FADS6: variants seen among roughly 807,000 people sequenced by gnomAD.
FADS6 encodes fatty acid desaturase 6, also known as fatty acid desaturase domain family, member 6.
FADS6 carries 28 observed loss-of-function variants against 31.7 expected under a neutral mutation model. The observed-to-expected ratio is 0.88, with a 90% CI of 0.66 to 1.21. The LOEUF (loss-of-function observed/expected upper bound fraction) is 1.21, where lower values mean the gene tolerates loss of function less well. Ranked by LOEUF, FADS6 falls within the 50% of genes most tolerant of loss-of-function variation. The pLI is 0.00. For missense variants in FADS6, 494 were observed against 504.2 expected (o/e 0.98, Z 0.19); for synonymous variants, 191 against 213.1 (o/e 0.90, Z 0.90).
In FADS6 at chr17:74,888,154, A is replaced by ACACG. The variant is rs1245891792; in HGVS notation, c.411+4368_411+4369insCGTG. Among the ~76,000 whole-genome samples the ACACG allele has an allele frequency of 1.2e-3, 166 of 134,788 alleles. 1 individual carries two copies. The highest frequency in any genetic ancestry group is 2.9e-3 in the African/African-American group (104 of 35,316). 88.4% of individuals were successfully genotyped at this position (134,788 alleles called of 152,430 possible). A position where few individuals can be genotyped will look rare whatever the true frequency, so the allele number is the denominator to read the frequency against. On this transcript the variant is annotated intron_variant, in intron 2 of 5. Transcript: ENST00000612771. ...CACACACACACACACACACACACAC[A>ACACG]CGCGCGCGCGCGCGCGCGCAGAGTA...
intron 2 of FADS6, among the ~76,000 whole-genome samples, chr17:74,891,746 T>C (rs2038691584): frequency 6.6e-6 from 1 of 152,122 alleles, no homozygotes; most frequent in Non-Finnish European, 1.5e-5. Flanking sequence ...TTATATAACT[T>C]TATAAAAACT....
intron 2 of FADS6, among the ~76,000 whole-genome samples, chr17:74,885,416 A>C (rs369741325): frequency 4.6e-5 from 7 of 152,296 alleles, no homozygotes; most frequent in East Asian, 3.9e-4. Context: ...CCTACTACTG[A>C]GGTCCATGGA....
rs775181944 is a variant in FADS6, at chr17:74,879,383, C to T, written c.960+21G>A. On this transcript the variant is annotated intron_variant, in intron 5 of 5. Transcript: ENST00000612771. Reference sequence around the variant, plus strand: ...CTAACAGTCCCTTTATTCCAGCGCCCCCAGCCCAGCCCTCGACTACCTTCA... The same window carrying T: ...CTAACAGTCCCTTTATTCCAGCGCCTCCAGCCCAGCCCTCGACTACCTTCA... The T allele has an allele frequency of 4.3e-5, 70 of 1,610,482 alleles. 1 individual carries two copies. The highest frequency in any genetic ancestry group is 5.9e-5 in the Non-Finnish European group (69 of 1,177,706).
intron 2 of FADS6, among the ~76,000 whole-genome samples, chr17:74,888,146 ACACACACACGCG>A (rs1386513583): frequency 1.8e-4 from 20 of 113,626 alleles, no homozygotes; most frequent in African/African-American, 2.4e-4. Flanking sequence ...ACACACACAC[ACACACACACGCG>A]CGCGCGCGCG....
At chr17:74,888,713 G>C (rs990777711) in intron 2 of FADS6, among the ~76,000 whole-genome samples, 2 of 152,190 alleles carry the variant, frequency 1.3e-5, no homozygotes, top group Non-Finnish European at 2.9e-5. Context: ...CCAGAGCTTC[G>C]GAACTGGCAG....
In FADS6 at chr17:74,882,396, C is replaced by T. The variant is rs1002186656; in HGVS notation, c.592+134G>A. 9.4e-6 allele frequency: 10 copies of T among 1,061,534 alleles called. No homozygotes were observed. In the African/African-American group the frequency reaches 1.3e-4, roughly 14 times the overall value. The allele number at this position is 1,061,534 out of a possible 1,614,324, so 65.8% of individuals were successfully genotyped here. A position where few individuals can be genotyped will look rare whatever the true frequency, so the allele number is the denominator to read the frequency against. The stretch of plus-strand genomic sequence containing the variant: ...AGCTCCAGGTCTGAGGCTCTTTCTA[C>T]CTTGCCATGCTGTCTCAGCACGTAT... On this transcript the variant is annotated intron_variant, in intron 3 of 5. Transcript: ENST00000612771.
chr17:74,892,456 C>T, intron 2 of FADS6, 67 bp downstream of exon 2: 1 of 1,536,960 alleles, frequency 6.5e-7, no homozygotes, highest in Admixed American at 2.0e-5. Context: ...CCCGCATGCT[C>T]GAACAGAAGA....
At position 74,878,316 on chromosome 17, in the gene FADS6, A is replaced by T; in HGVS notation, c.*15T>A. On this transcript the variant is annotated 3_prime_UTR_variant, in exon 6 of 6. Transcript: ENST00000612771. ...GGCCAGGGAGGGGCAGGGTGGCTGC[A>T]CCGGCCCGGCCTCATTACAGCCCCA... 6.2e-7 allele frequency: 1 copy of T among 1,608,332 alleles called. No individual in the cohort carries two copies. The highest frequency in any genetic ancestry group is 8.5e-7 in the Non-Finnish European group (1 of 1,177,374).
Position 74,882,784 on chromosome 17 carries a change from C to A in FADS6, c.412-74G>T, listed in dbSNP as rs892799383. ...TGAGCAATGCAGGACCTTTGAGAGCCCGGAGAACACCCCCACCTCCTCAAA... is the reference window on the plus strand; with the variant it reads ...TGAGCAATGCAGGACCTTTGAGAGCACGGAGAACACCCCCACCTCCTCAAA... On this transcript the variant is annotated intron_variant, in intron 2 of 5. Transcript: ENST00000612771. The A allele has an allele frequency of 4.5e-6, 7 of 1,544,504 alleles. No individual in the cohort carries two copies. In the African/African-American group the frequency reaches 8.2e-5, roughly 18 times the overall value.
At chr17:74,888,152 A>ACGCGCGCG (rs201377510) in intron 2 of FADS6, among the ~76,000 whole-genome samples, 2 of 124,300 alleles carry the variant, frequency 1.6e-5, no homozygotes, top group African/African-American at 7.5e-5. Flanking sequence ...ACACACACAC[A>ACGCGCGCG]CACGCGCGCG....
rs1389528556 is a variant in FADS6, at chr17:74,893,383, G to A, written c.213C>T (p.Ile71=). The change falls in exon 1 of 6, where the codon ATC becomes ATT. Residue 71 remains isoleucine, a synonymous_variant. Coordinates refer to ENST00000612771, the MANE Select transcript of FADS6 (RefSeq NM_178128.6). Reference sequence around the variant, plus strand: ...GCAAGGCGAAGAGGCTGAGCGCGAGGATGGCGCAGTCCACGCCGTGGCGCT... The same window carrying A: ...GCAAGGCGAAGAGGCTGAGCGCGAGAATGGCGCAGTCCACGCCGTGGCGCT... ...WWERHGVDCA[I]LALSLFALPA... 3 of 1,533,676 alleles carry A rather than the reference G, an allele frequency of 2.0e-6. No individual in the cohort carries two copies. The highest frequency in any genetic ancestry group is 2.6e-6 in the Non-Finnish European group (3 of 1,142,464).
chr17:74,882,906 A>G, intron 2 of FADS6, 196 bp from the exon 3 acceptor site: 1 of 1,416,810 alleles, frequency 7.1e-7, no homozygotes, highest in Non-Finnish European at 9.4e-7. Flanking sequence ...GCAGCCAGTC[A>G]ATACAATCGT....
chr17:74,882,907 A>G, intron 2 of FADS6, 197 bp from the exon 3 acceptor site: 2 of 1,415,100 alleles, frequency 1.4e-6, no homozygotes, highest in Non-Finnish European at 1.9e-6. Flanking sequence ...CAGCCAGTCA[A>G]TACAATCGTG....
At chr17:74,890,453 A>G (rs2144725413) in intron 2 of FADS6, among the ~76,000 whole-genome samples, 1 of 152,246 alleles carries the variant, frequency 6.6e-6, no homozygotes, top group Admixed American at 6.5e-5. Flanking sequence ...CGGAGGCTTG[A>G]GTAATAAACT....
chr17:74,879,646 T>C, intron 4 of FADS6, 63 bp from the exon 5 acceptor site: 1 of 1,519,024 alleles, frequency 6.6e-7, no homozygotes, highest in African/African-American at 1.4e-5. Context: ...CCAGGTGTCC[T>C]GGGACCTCAT....
intron 2 of FADS6, among the ~76,000 whole-genome samples, chr17:74,888,142 ACACACACACACACG>A (rs1227254331): frequency 6.8e-4 from 75 of 109,754 alleles, no homozygotes; most frequent in Middle Eastern, 9.0e-3. Flanking sequence ...ACACACACAC[ACACACACACACACG>A]CGCGCGCGCG....
chr17:74,878,401 T>C lies in FADS6; in HGVS notation c.1037A>G (p.Gln346Arg). The C allele has an allele frequency of 6.2e-7, 1 of 1,614,024 alleles. No individual in the cohort carries two copies. Residue 346 changes from glutamine to arginine, a missense_variant, in exon 6 of 6, where the codon CAG (glutamine) becomes CGG (arginine). By Grantham distance (43) the Gln-to-Arg change is conservative (BLOSUM62 1). This residue lies in a region of FADS6 where 454 missense variants were observed against 438.5 expected (regional missense o/e 1.04). Coordinates refer to ENST00000612771, the MANE Select transcript of FADS6 (RefSeq NM_178128.6). ...TTCCTCATAGCGACGGAGAAACAGC[T>C]GGAAGCGAGCCAGGTATGAGTCCTC... ...YNEDSYLARFQLFLRRYEEFM... is the reference protein window; with the variant it reads ...YNEDSYLARFRLFLRRYEEFM...
intron 1 of FADS6, 74 bp downstream of exon 1, chr17:74,893,278 C>G: frequency 7.0e-7 from 1 of 1,424,510 alleles, no homozygotes; most frequent in South Asian, 1.4e-5. Context: ...GTTGCAGACC[C>G]CGCGCCGCCA....
intron 2 of FADS6, among the ~76,000 whole-genome samples, chr17:74,891,511 G>A (rs1435389394): frequency 6.6e-5 from 10 of 152,056 alleles, no homozygotes. Flanking sequence ...CTTAGAGTCT[G>A]GCCGGGACTA....
Sources: allele counts gnomAD v4.1 joint callset (sites outside exome capture counted in the v4.1 genomes callset), GRCh38; gene constraint gnomAD v4.1.1; regional missense constraint gnomAD v4.1.1; transcripts MANE v1.5; gene names NCBI Gene and HGNC (gene_info 2026-07-23, HGNC 2026-07-21).